PTPRT: variants seen among roughly 807,000 people sequenced by gnomAD.
PTPRT encodes protein tyrosine phosphatase receptor type T.
In PTPRT, 56 loss-of-function variants were observed where a neutral mutation model predicts 176.8. The ratio of observed to expected loss-of-function variants is 0.32; its 90% confidence interval spans 0.26 to 0.40. PTPRT has a LOEUF of 0.40. Among genes scored for constraint, PTPRT ranks in the 10% least tolerant of loss-of-function variants. The probability of loss-of-function intolerance (pLI) is 1.00; values close to 1 mark genes in which losing one functional copy is unlikely to be tolerated. For missense variants in PTPRT, 1,540 were observed against 1,908.2 expected (o/e 0.81, Z 3.60); for synonymous variants, 783 against 739.0 (o/e 1.06, Z -0.96).
At chr20:42,125,537 G>C (rs528553300) in intron 19 of PTPRT, among the ~76,000 whole-genome samples, 1 of 152,302 alleles carries the variant, frequency 6.6e-6, no homozygotes, top group African/African-American at 2.4e-5. Flanking sequence ...AGAAGAAGAA[G>C]GTCGTGGTGT....
chr20:42,611,278 C>T (rs1301827690), intron 7 of PTPRT, among the ~76,000 whole-genome samples: 1 of 152,208 alleles, frequency 6.6e-6, no homozygotes. Flanking sequence ...GTTACACTCA[C>T]AACAACAGTG....
intron 9 of PTPRT, among the ~76,000 whole-genome samples, chr20:42,354,096 C>T (rs747838342): frequency 2.2e-4 from 34 of 152,000 alleles, no homozygotes; most frequent in Non-Finnish European, 4.1e-4. Flanking sequence ...AATATACATA[C>T]AGAAAAGCAT....
intron 17 of PTPRT, among the ~76,000 whole-genome samples, chr20:42,154,843 G>A (rs1020866063): frequency 6.6e-6 from 1 of 152,176 alleles, no homozygotes; most frequent in Non-Finnish European, 1.5e-5. Flanking sequence ...ACAGGGGAAG[G>A]TGGGAGAACT....
intron 2 of PTPRT, among the ~76,000 whole-genome samples, chr20:42,819,792 G>T (rs1042491925): frequency 6.6e-6 from 1 of 151,718 alleles, no homozygotes; most frequent in Non-Finnish European, 1.5e-5. Flanking sequence ...TGATAAAAAA[G>T]ACTTTAAACA....
chr20:42,060,475 C>T, the PTPRT span, among the ~76,000 whole-genome samples: 1 of 152,184 alleles, frequency 6.6e-6, no homozygotes, highest in African/African-American at 2.4e-5. Flanking sequence ...CCTGAATTCC[C>T]AGGTGTTGTG....
intron 11 of PTPRT, among the ~76,000 whole-genome samples, chr20:42,336,718 G>A (rs961829680): frequency 6.6e-6 from 1 of 151,840 alleles, no homozygotes; most frequent in African/African-American, 2.4e-5. Context: ...AAAAAAAACT[G>A]GAAATGACCC....
At chr20:42,585,739 T>A (rs1043384617) in intron 7 of PTPRT, among the ~76,000 whole-genome samples, 3 of 152,144 alleles carry the variant, frequency 2.0e-5, no homozygotes, top group Admixed American at 6.5e-5. Context: ...TACCTGTAGA[T>A]TGCTTTATGA....
chr20:42,142,725 A>T (rs1988687498), intron 17 of PTPRT, among the ~76,000 whole-genome samples: 1 of 151,320 alleles, frequency 6.6e-6, no homozygotes, highest in African/African-American at 2.5e-5. Flanking sequence ...ACAATAATAA[A>T]ATAGTATGAC....
chr20:42,307,051 G>A (rs1210052390), intron 12 of PTPRT, among the ~76,000 whole-genome samples: 1 of 152,172 alleles, frequency 6.6e-6, no homozygotes, highest in Non-Finnish European at 1.5e-5. Flanking sequence ...GAGCAAGTCT[G>A]GGTATTATAA....
chr20:42,886,214 G>A (rs552494604), intron 1 of PTPRT, among the ~76,000 whole-genome samples: 4 of 152,228 alleles, frequency 2.6e-5, no homozygotes, highest in African/African-American at 4.8e-5. Context: ...AAACAGCAGC[G>A]TCTCATTCTA....
intron 7 of PTPRT, among the ~76,000 whole-genome samples, chr20:42,618,952 T>C (rs1265838511): frequency 2.0e-5 from 3 of 152,024 alleles, no homozygotes; most frequent in Non-Finnish European, 4.4e-5. Flanking sequence ...TTAAAGTTAG[T>C]ATTTTTATAT....
chr20:42,087,699 C>T (rs976433960), intron 27 of PTPRT, among the ~76,000 whole-genome samples: 2 of 150,350 alleles, frequency 1.3e-5, no homozygotes, highest in African/African-American at 2.4e-5. Flanking sequence ...GATGGTGAAA[C>T]CCGTCTCCAC....
At chr20:42,383,822 T>A (rs2058718288) in intron 9 of PTPRT, among the ~76,000 whole-genome samples, 1 of 152,190 alleles carries the variant, frequency 6.6e-6, no homozygotes, top group Non-Finnish European at 1.5e-5. Flanking sequence ...ATCAGGGAGA[T>A]AAAGTGGTGA....
At chr20:42,398,504 T>G (rs1310859942) in intron 9 of PTPRT, among the ~76,000 whole-genome samples, 5 of 152,128 alleles carry the variant, frequency 3.3e-5, no homozygotes, top group African/African-American at 4.8e-5. Flanking sequence ...AAAATATTAT[T>G]TGAGATGTGA....
At chr20:42,707,898 C>T (rs2076085222) in intron 6 of PTPRT, among the ~76,000 whole-genome samples, 1 of 152,180 alleles carries the variant, frequency 6.6e-6, no homozygotes, top group Non-Finnish European at 1.5e-5. Flanking sequence ...GAAGAGATTC[C>T]AACCATGCTA....
the PTPRT span, among the ~76,000 whole-genome samples, chr20:42,065,595 A>G: frequency 6.6e-6 from 1 of 152,230 alleles, no homozygotes; most frequent in Non-Finnish European, 1.5e-5. Flanking sequence ...ACCATCTACA[A>G]TGCAGGACCT....
intron 7 of PTPRT, among the ~76,000 whole-genome samples, chr20:42,593,939 A>G (rs535175133): frequency 6.6e-6 from 1 of 152,304 alleles, no homozygotes; most frequent in East Asian, 1.9e-4. Context: ...TCTATGGTTC[A>G]GAGAGAGGTT....
At chr20:42,790,369 G>T (rs935047025) in intron 3 of PTPRT, among the ~76,000 whole-genome samples, 2 of 151,834 alleles carry the variant, frequency 1.3e-5, no homozygotes, top group Non-Finnish European at 1.5e-5. Context: ...AGAGAGAGAG[G>T]TTTAGGAACT....
Position 42,751,471 on chromosome 20 carries a change from G to T in PTPRT, c.859+4991C>A, listed in dbSNP as rs552765982. 3.9e-5 allele frequency among the ~76,000 whole-genome samples: 6 copies of T among 152,310 alleles called. No individual in the cohort carries two copies. In the South Asian group the frequency reaches 1.0e-3, roughly 26 times the overall value. ...GATGGTTAATATTAAGTGTTAACTT[G>T]GTTGAAATGAAGGATGCAAAGTATT... On this transcript the variant is annotated intron_variant, in intron 6 of 30. Transcript: ENST00000373187.
Sources: gnomAD v4.1 joint callset for allele counts (sites outside exome capture counted in the v4.1 genomes callset) on GRCh38, gnomAD v4.1.1 for gene constraint, MANE v1.5 for transcripts, NCBI Gene and HGNC (gene_info 2026-07-23, HGNC 2026-07-21) for gene names.